The following CYTH1 variants were observed in gnomAD, a reference collection of about 807,000 sequenced individuals.
The protein encoded by CYTH1 is cytohesin-1.
In CYTH1, 18 loss-of-function variants were observed where a neutral mutation model predicts 61.8. The ratio of observed to expected loss-of-function variants is 0.29; its 90% CI spans 0.20 to 0.43. The LOEUF is 0.43. CYTH1 is among the 20% of genes least tolerant of loss of function. The pLI is 1.00. For synonymous variants in CYTH1, 174 were observed against 184.3 expected (o/e 0.94, Z 0.45); for missense variants, 336 against 510.5 (o/e 0.66, Z 3.29).
chr17:78,712,189 G>A (rs1045797749), intron 1 of CYTH1, among the ~76,000 whole-genome samples: 3 of 151,020 alleles, frequency 2.0e-5, no homozygotes, highest in Non-Finnish European at 4.4e-5. Context: ...AGGTAGGAGA[G>A]AGAGAAAGAG....
chr17:78,735,907 G>T (rs2093318116), intron 1 of CYTH1, among the ~76,000 whole-genome samples: 1 of 152,198 alleles, frequency 6.6e-6, no homozygotes, highest in South Asian at 2.1e-4. Flanking sequence ...CAACTCCTGT[G>T]TTGACCCAGG....
Position 78,751,761 on chromosome 17 carries a change from C to T in CYTH1, c.22+30441G>A, listed in dbSNP as rs565593951. On this transcript the variant is annotated intron_variant, in intron 1 of 13. Transcript: ENST00000446868. ...CATAAACGAAGAAGGAATCAGAGTA[C>T]AGGTATCTCTCTGCTATTGGTTATA... 1.3e-3 allele frequency among the ~76,000 whole-genome samples: 197 copies of T among 152,324 alleles called. 3 individuals carry two copies. Among genetic ancestry groups the T allele is most frequent in the African/African-American group, 4.5e-3 (186 of 41,564 alleles).
At chr17:78,758,603 C>T (rs1227904523) in intron 1 of CYTH1, among the ~76,000 whole-genome samples, 1 of 152,136 alleles carries the variant, frequency 6.6e-6, no homozygotes, top group Non-Finnish European at 1.5e-5. Flanking sequence ...ACTCGCTAGG[C>T]TGAGGCAAGA....
chr17:78,774,052 CTTGT>C (rs894238235), intron 1 of CYTH1, among the ~76,000 whole-genome samples: 119 of 151,420 alleles, frequency 7.9e-4, no homozygotes, highest in Middle Eastern at 3.4e-3. Context: ...AGTTTGTTTG[CTTGT>C]TTGTTTTAAA....
chr17:78,777,247 G>A (rs1415648029), intron 1 of CYTH1, among the ~76,000 whole-genome samples: 5 of 151,106 alleles, frequency 3.3e-5, no homozygotes, highest in African/African-American at 7.3e-5. Flanking sequence ...GTGAAACGCC[G>A]TCTCTACTAA....
intron 1 of CYTH1, among the ~76,000 whole-genome samples, chr17:78,734,292 C>T (rs966339629): frequency 6.6e-6 from 1 of 151,412 alleles, no homozygotes; most frequent in Non-Finnish European, 1.5e-5. Flanking sequence ...GATTAAATAG[C>T]TAAAAATAAT....
chr17:78,728,698 A>C (rs2093278686), intron 1 of CYTH1, among the ~76,000 whole-genome samples: 1 of 152,216 alleles, frequency 6.6e-6, no homozygotes, highest in South Asian at 2.1e-4. Context: ...TAGCTACCTG[A>C]GATTAAAGCA....
At position 78,702,174 on chromosome 17, in the gene CYTH1, A is replaced by C. The variant is rs780914454; in HGVS notation, c.304T>G (p.Tyr102Asp). The stretch of plus-strand genomic sequence containing the variant: ...GTCTTGTTGAGCCCTTCGCCTTTAT[A>C]TAAGAACTGGGCAATGTCTTCACAA... ...NTCEDIAQFLYKGEGLNKTAI... is the reference protein window; with the variant it reads ...NTCEDIAQFLDKGEGLNKTAI... The change falls in exon 5 of 14, where the codon TAT becomes GAT. Residue 102 changes from tyrosine (Y) to aspartate (D), a missense_variant. Coordinates refer to ENST00000446868, the MANE Select transcript of CYTH1 (RefSeq NM_004762.6). The C allele has an allele frequency of 2.5e-6, 4 of 1,614,186 alleles. No individual in the cohort carries two copies. Among genetic ancestry groups the C allele is most frequent in the Non-Finnish European group, 3.4e-6 (4 of 1,180,032 alleles).
At chr17:78,689,588 C>T (rs1199150616) in intron 11 of CYTH1, among the ~76,000 whole-genome samples, 2 of 152,174 alleles carry the variant, frequency 1.3e-5, no homozygotes, top group South Asian at 2.1e-4. Flanking sequence ...ACTCACCTCC[C>T]GCTGTGTGGC....
intron 1 of CYTH1, among the ~76,000 whole-genome samples, chr17:78,781,179 A>G (rs2093515951): frequency 6.7e-6 from 1 of 150,244 alleles, no homozygotes; most frequent in Admixed American, 6.6e-5. Flanking sequence ...TTAAAAAAAA[A>G]AAAAAAAGAA....
chr17:78,764,012 C>G (rs567555086), intron 1 of CYTH1, among the ~76,000 whole-genome samples: 26 of 151,818 alleles, frequency 1.7e-4, no homozygotes, highest in Admixed American at 1.4e-3. Flanking sequence ...TCGGGAGGCT[C>G]AGGCAGGAGA....
chr17:78,762,681 G>A (rs770036501), intron 1 of CYTH1, among the ~76,000 whole-genome samples: 7 of 152,108 alleles, frequency 4.6e-5, no homozygotes, highest in Non-Finnish European at 1.0e-4. Flanking sequence ...GTGGGCACAC[G>A]GATTCTTCCA....
intron 3 of CYTH1, among the ~76,000 whole-genome samples, chr17:78,706,806 A>G (rs542262541): frequency 6.6e-6 from 1 of 152,350 alleles, no homozygotes; most frequent in Non-Finnish European, 1.5e-5. Flanking sequence ...TACATCCCCT[A>G]CAACTAATGA....
chr17:78,698,197 G>GCACA (rs950622736), intron 9 of CYTH1, 72 bp downstream of exon 9: 5 of 1,233,508 alleles, frequency 4.1e-6, no homozygotes, highest in Non-Finnish European at 5.9e-6. Flanking sequence ...ACGCACGCAC[G>GCACA]CACACACGCA....
At chr17:78,763,885 C>A (rs2093438278) in intron 1 of CYTH1, among the ~76,000 whole-genome samples, 1 of 152,094 alleles carries the variant, frequency 6.6e-6, no homozygotes, top group African/African-American at 2.4e-5. Flanking sequence ...CTGAGATAGG[C>A]ACATCACTTG....
At position 78,714,155 on chromosome 17, in the gene CYTH1, C is replaced by T. The variant is rs1465124804; in HGVS notation, c.23-4423G>A. Reference sequence around the variant, plus strand: ...AAATACAAAAATTAGCTGGGCGTAGCGGTGCACACCTGTAATCCCAGCTAC... The same window carrying T: ...AAATACAAAAATTAGCTGGGCGTAGTGGTGCACACCTGTAATCCCAGCTAC... On this transcript the variant is annotated intron_variant, in intron 1 of 13. Coordinates refer to ENST00000446868, the MANE Select transcript of CYTH1 (RefSeq NM_004762.6). Among the ~76,000 whole-genome samples, 4 of 117,232 alleles carry T rather than the reference C, an allele frequency of 3.4e-5. No homozygotes were observed. The South Asian group carries it at 7.5e-4, about 22-fold the overall frequency. The allele number at this position is 117,232 out of a possible 152,430, so 76.9% of individuals were successfully genotyped here. A position where few individuals can be genotyped will look rare whatever the true frequency, so the allele number is the denominator to read the frequency against.
intron 1 of CYTH1, chr17:78,736,834 G>A (rs1047791987): frequency 2.8e-5 from 7 of 252,062 alleles, no homozygotes; most frequent in African/African-American, 4.6e-5. Context: ...GGGGATACCT[G>A]TGAAGCTGTC....
At chr17:78,782,099 G>A in intron 1 of CYTH1, 103 bp downstream of exon 1, 1 of 1,045,050 alleles carries the variant, frequency 9.6e-7, no homozygotes, top group Non-Finnish European at 1.2e-6. Context: ...CCGCACCAGT[G>A]TCCCCGGGAA....
chr17:78,680,568 C>T (rs1047437396), intron 12 of CYTH1, among the ~76,000 whole-genome samples: 1 of 152,200 alleles, frequency 6.6e-6, no homozygotes, highest in African/African-American at 2.4e-5. Flanking sequence ...TAAGCTGGCC[C>T]CACTTGCAAT....
Sources: allele counts gnomAD v4.1 joint callset (sites outside exome capture counted in the v4.1 genomes callset), GRCh38; gene constraint gnomAD v4.1.1; transcripts MANE v1.5; gene names NCBI Gene and HGNC (gene_info 2026-07-23, HGNC 2026-07-21).